The following ORC5 variants were observed in gnomAD, a reference collection of about 807,000 sequenced individuals.
ORC5 encodes origin recognition complex subunit 5.
ORC5 carries 39 observed loss-of-function variants against 58.8 expected under a neutral mutation model. The ratio of observed to expected loss-of-function variants is 0.66; its 90% CI spans 0.51 to 0.87. ORC5 has a LOEUF of 0.87. Ranked by LOEUF, ORC5 falls within the 40% of genes least tolerant of loss-of-function variation. The pLI is 0.00. For synonymous variants in ORC5, 218 were observed against 177.6 expected (o/e 1.23, Z -1.81); for missense variants, 493 against 506.3 (o/e 0.97, Z 0.25).
At chr7:104,164,091 C>T (rs193207529) in intron 11 of ORC5, among the ~76,000 whole-genome samples, 2 of 152,156 alleles carry the variant, frequency 1.3e-5, no homozygotes, top group African/African-American at 4.8e-5. Flanking sequence ...GAATTTTTGT[C>T]CTTTTCTTAT....
intron 8 of ORC5, among the ~76,000 whole-genome samples, chr7:104,170,870 T>C (rs1314027262): frequency 6.6e-6 from 1 of 152,218 alleles, no homozygotes; most frequent in Non-Finnish European, 1.5e-5. Flanking sequence ...ATCTTCTTTG[T>C]CTATCATATT....
intron 8 of ORC5, among the ~76,000 whole-genome samples, chr7:104,179,164 G>A (rs138751427): frequency 1.3e-3 from 195 of 147,296 alleles, no homozygotes; most frequent in African/African-American, 4.5e-3. Context: ...TCCCAGGCTG[G>A]TCTTGAACTC....
chr7:104,176,550 AATGATGGTC>A (rs1799325006), intron 8 of ORC5, among the ~76,000 whole-genome samples: 1 of 152,056 alleles, frequency 6.6e-6, no homozygotes, highest in South Asian at 2.1e-4. Context: ...CTTTAATGTT[AATGATGGTC>A]AGTTGTGCCT....
chr7:104,126,932 C>G, intron 13 of ORC5, 39 bp from the exon 14 acceptor site: 1 of 1,415,850 alleles, frequency 7.1e-7, no homozygotes. Flanking sequence ...CATTCTCACC[C>G]CTAGATTGCT....
chr7:104,192,200 G>C (rs999877999), intron 5 of ORC5, among the ~76,000 whole-genome samples: 2 of 152,098 alleles, frequency 1.3e-5, no homozygotes, highest in African/African-American at 4.8e-5. Flanking sequence ...AGTACCTGAG[G>C]GGAGGAAGCT....
intron 9 of ORC5, among the ~76,000 whole-genome samples, chr7:104,167,699 T>C (rs1484990218): frequency 1.3e-5 from 2 of 152,248 alleles, no homozygotes; most frequent in Non-Finnish European, 2.9e-5. Context: ...GGTGCTTTAC[T>C]TAAGCATCAC....
intron 12 of ORC5, among the ~76,000 whole-genome samples, chr7:104,141,611 T>C (rs950833724): frequency 6.6e-6 from 1 of 152,142 alleles, no homozygotes; most frequent in African/African-American, 2.4e-5. Flanking sequence ...AAAAAGCTGT[T>C]AGAACTAATA....
chr7:104,196,272 T>G (rs1799800241), intron 4 of ORC5, among the ~76,000 whole-genome samples: 1 of 152,120 alleles, frequency 6.6e-6, no homozygotes, highest in Non-Finnish European at 1.5e-5. Flanking sequence ...TACCAGATGG[T>G]GAGTTCTAGA....
intron 7 of ORC5, 26 bp from the exon 8 acceptor site, chr7:104,184,059 G>A (rs1799490628): frequency 6.3e-7 from 1 of 1,596,918 alleles, no homozygotes; most frequent in African/African-American, 1.3e-5. Context: ...GAAAATTTCA[G>A]TAATTTATAT....
chr7:104,155,180 C>G (rs1426351203), intron 12 of ORC5, among the ~76,000 whole-genome samples: 1 of 151,610 alleles, frequency 6.6e-6, no homozygotes, highest in Non-Finnish European at 1.5e-5. Context: ...ATCGATGTAA[C>G]AAATAACTCC....
In ORC5 at chr7:104,126,690, A is replaced by C; in HGVS notation, c.*158T>G. 2 of 578,248 alleles carry C rather than the reference A, an allele frequency of 3.5e-6. No homozygotes were observed. The highest frequency in any genetic ancestry group is 6.1e-6 in the Non-Finnish European group (2 of 326,618). The allele number at this position is 578,248 out of a possible 1,614,324, so 35.8% of individuals were successfully genotyped here. On this transcript the variant is annotated 3_prime_UTR_variant, in exon 14 of 14. Coordinates refer to ENST00000297431, the MANE Select transcript of ORC5 (RefSeq NM_002553.4). Reference sequence around the variant, plus strand: ...TCTTCTGCTCACATCCACCCAGACCAATCAGAATATTTTCATCAGATTCCA... The same window carrying C: ...TCTTCTGCTCACATCCACCCAGACCCATCAGAATATTTTCATCAGATTCCA...
chr7:104,188,515 C>T (rs1417671160), intron 5 of ORC5, 134 bp from the exon 6 acceptor site: 4 of 579,634 alleles, frequency 6.9e-6, no homozygotes, highest in Non-Finnish European at 1.2e-5. Flanking sequence ...AAAACTATTA[C>T]AAGATTAGAA....
At chr7:104,204,447 T>C (rs1800025178) in intron 1 of ORC5, among the ~76,000 whole-genome samples, 1 of 152,224 alleles carries the variant, frequency 6.6e-6, no homozygotes. Flanking sequence ...TGTAACATAT[T>C]TGGCATATTT....
At chr7:104,185,322 T>G (rs1463288574) in intron 6 of ORC5, among the ~76,000 whole-genome samples, 3 of 152,160 alleles carry the variant, frequency 2.0e-5, no homozygotes, top group African/African-American at 7.2e-5. Context: ...TAGTTTGTTT[T>G]ATAGATTCAA....
intron 12 of ORC5, among the ~76,000 whole-genome samples, chr7:104,151,513 ATTATCT>A (rs903084670): frequency 6.6e-6 from 1 of 152,198 alleles, no homozygotes; most frequent in Non-Finnish European, 1.5e-5. Context: ...TAGAAACTAT[ATTATCT>A]TTGTTTTTCT....
chr7:104,204,716 T>C (rs1016029746), intron 1 of ORC5, among the ~76,000 whole-genome samples: 5 of 152,228 alleles, frequency 3.3e-5, no homozygotes, highest in African/African-American at 4.8e-5. Flanking sequence ...GGAAAACTTA[T>C]AGACTACTTC....
chr7:104,197,663 A>G, intron 4 of ORC5, 62 bp downstream of exon 4: 1 of 1,107,584 alleles, frequency 9.0e-7, no homozygotes, highest in Non-Finnish European at 1.3e-6. Context: ...AAAATGAAAA[A>G]CTTTTACAAC....
intron 5 of ORC5, among the ~76,000 whole-genome samples, chr7:104,189,088 G>T (rs1442946047): frequency 6.6e-6 from 1 of 152,032 alleles, no homozygotes; most frequent in Non-Finnish European, 1.5e-5. Flanking sequence ...TAATACAGCG[G>T]GCCCCTAGAT....
In ORC5 at chr7:104,188,257, T is replaced by C. The variant is rs140454360; in HGVS notation, c.678A>G (p.Arg226=). 4.4e-5 allele frequency: 71 copies of C among 1,611,198 alleles called. No homozygotes were observed. The African/African-American group carries it at 8.4e-4, about 19-fold the overall frequency. ...AAGCAAAATGTTCATTTACCAGATG[T>C]CTGAGCTCTTTCAAATCTCGACAAA... ...YTVCRDLKEL[R]HLAVLNFPKY... The change falls in exon 6 of 14, where the codon AGA becomes AGG. Residue 226 remains arginine (R), a synonymous_variant. Coordinates refer to ENST00000297431, the MANE Select transcript of ORC5 (RefSeq NM_002553.4).
Sources: allele counts gnomAD v4.1 joint callset (sites outside exome capture counted in the v4.1 genomes callset), GRCh38; gene constraint gnomAD v4.1.1; transcripts MANE v1.5; gene names NCBI Gene and HGNC (gene_info 2026-07-23, HGNC 2026-07-21).